RSPO2: variants seen among roughly 807,000 people sequenced by gnomAD.
RSPO2 encodes R-spondin-2.
Under a neutral mutation model 30.9 loss-of-function variants are expected in RSPO2, and 14 were observed. The ratio of observed to expected loss-of-function variants is 0.45; its 90% CI spans 0.30 to 0.71. The LOEUF is 0.71. RSPO2 is among the 30% of genes least tolerant of loss of function. The pLI is 0.08. For synonymous variants in RSPO2, 107 were observed against 96.4 expected (o/e 1.11, Z -0.64); for missense variants, 264 against 301.9 (o/e 0.87, Z 0.93).
At chr8:108,044,480 G>A (rs1015082095) in intron 2 of RSPO2, among the ~76,000 whole-genome samples, 2 of 152,062 alleles carry the variant, frequency 1.3e-5, no homozygotes, top group African/African-American at 4.8e-5. Context: ...TTCTGTCTCT[G>A]CATTAACTCG....
At chr8:108,031,308 C>T (rs1392601697) in intron 2 of RSPO2, among the ~76,000 whole-genome samples, 1 of 152,166 alleles carries the variant, frequency 6.6e-6, no homozygotes, top group African/African-American at 2.4e-5. Context: ...GAAAACGTGA[C>T]TCAGGAAGTT....
intron 5 of RSPO2, among the ~76,000 whole-genome samples, chr8:107,909,587 T>C (rs1415936169): frequency 6.6e-6 from 1 of 152,104 alleles, no homozygotes; most frequent in East Asian, 1.9e-4. Context: ...CGGATAGTCA[T>C]TTTTCAAGTT....
At chr8:108,037,571 AT>A (rs1394105406) in intron 2 of RSPO2, among the ~76,000 whole-genome samples, 1 of 152,228 alleles carries the variant, frequency 6.6e-6, no homozygotes, top group African/African-American at 2.4e-5. Context: ...TAAAAAACAG[AT>A]TTTTAAATGT....
intron 4 of RSPO2, among the ~76,000 whole-genome samples, chr8:107,959,070 A>C (rs538636517): frequency 6.6e-6 from 1 of 152,342 alleles, no homozygotes; most frequent in East Asian, 1.9e-4. Context: ...ATTTCCTGTC[A>C]TGACAGAAGA....
chr8:108,081,136 G>C (rs1446629420), intron 2 of RSPO2, among the ~76,000 whole-genome samples: 1 of 152,122 alleles, frequency 6.6e-6, no homozygotes, highest in African/African-American at 2.4e-5. Flanking sequence ...AGTTGGAGAA[G>C]GTTTATTCTT....
At chr8:108,072,747 C>T (rs1563591770) in intron 2 of RSPO2, among the ~76,000 whole-genome samples, 1 of 151,972 alleles carries the variant, frequency 6.6e-6, no homozygotes, top group Non-Finnish European at 1.5e-5. Context: ...AAAAAAATAA[C>T]AACAACAACT....
chr8:108,081,424 T>A (rs971495232), intron 2 of RSPO2, among the ~76,000 whole-genome samples: 1 of 152,232 alleles, frequency 6.6e-6, no homozygotes, highest in African/African-American at 2.4e-5. Flanking sequence ...TCAACATTCA[T>A]GAACCCGGCG....
intron 3 of RSPO2, among the ~76,000 whole-genome samples, chr8:107,975,104 A>C (rs938967854): frequency 1.3e-5 from 2 of 152,206 alleles, no homozygotes; most frequent in Non-Finnish European, 2.9e-5. Flanking sequence ...GACATTGAAA[A>C]GGGCTGTCCC....
chr8:108,065,221 G>T (rs1433567654), intron 2 of RSPO2, among the ~76,000 whole-genome samples: 1 of 148,004 alleles, frequency 6.8e-6, no homozygotes, highest in East Asian at 2.0e-4. Flanking sequence ...AATAGGTGCA[G>T]CAAACCACGT....
At chr8:107,924,840 A>G (rs1391522663) in intron 5 of RSPO2, among the ~76,000 whole-genome samples, 1 of 151,834 alleles carries the variant, frequency 6.6e-6, no homozygotes, top group African/African-American at 2.4e-5. Flanking sequence ...ACACACACAC[A>G]CACACACACA....
chr8:108,074,140 C>T (rs527490998), intron 2 of RSPO2, among the ~76,000 whole-genome samples: 1 of 152,288 alleles, frequency 6.6e-6, no homozygotes, highest in Admixed American at 6.5e-5. Context: ...AGAAACCCTT[C>T]TGAAAACAAA....
chr8:108,053,227 T>C (rs10096650), intron 2 of RSPO2, among the ~76,000 whole-genome samples: 34 of 152,250 alleles, frequency 2.2e-4, no homozygotes, highest in African/African-American at 8.2e-4. Flanking sequence ...TTAGCAGTGA[T>C]GCACTCCATA....
At chr8:107,912,996 T>C (rs1189399272) in intron 5 of RSPO2, among the ~76,000 whole-genome samples, 2 of 152,240 alleles carry the variant, frequency 1.3e-5, no homozygotes, top group African/African-American at 4.8e-5. Context: ...TTCTTATTGA[T>C]ACATAAGAGC....
intron 2 of RSPO2, among the ~76,000 whole-genome samples, chr8:108,071,347 T>C (rs1370941042): frequency 6.6e-6 from 1 of 152,196 alleles, no homozygotes; most frequent in African/African-American, 2.4e-5. Flanking sequence ...CTGATGTAAC[T>C]TACTGACCAC....
chr8:108,081,291 C>CA (rs1437648273), intron 2 of RSPO2, among the ~76,000 whole-genome samples: 3 of 152,140 alleles, frequency 2.0e-5, no homozygotes, highest in Admixed American at 1.3e-4. Flanking sequence ...AAAAAGCCAT[C>CA]AAAAAAATAA....
At chr8:108,008,075 C>T (rs1419676624) in intron 2 of RSPO2, among the ~76,000 whole-genome samples, 1 of 152,086 alleles carries the variant, frequency 6.6e-6, no homozygotes, top group African/African-American at 2.4e-5. Flanking sequence ...CACATACACC[C>T]AAGGGAGTGG....
At chr8:108,072,289 T>C (rs1260525052) in intron 2 of RSPO2, among the ~76,000 whole-genome samples, 1 of 149,306 alleles carries the variant, frequency 6.7e-6, no homozygotes, top group Non-Finnish European at 1.5e-5. Context: ...ACATAGCATG[T>C]GAGGTGAAAA....
chr8:107,921,857 CAT>C (rs1446850400), intron 5 of RSPO2, among the ~76,000 whole-genome samples: 1 of 152,080 alleles, frequency 6.6e-6, no homozygotes. Context: ...CAAAAAAACA[CAT>C]GATTACCTCA....
At chr8:107,906,652 C>T (rs760386069) in intron 5 of RSPO2, among the ~76,000 whole-genome samples, 2 of 151,858 alleles carry the variant, frequency 1.3e-5, no homozygotes, top group Non-Finnish European at 1.5e-5. Flanking sequence ...GTTCTTGAAG[C>T]TTTTTTCCTT....
Sources: gnomAD v4.1 joint callset for allele counts (sites outside exome capture counted in the v4.1 genomes callset) on GRCh38, gnomAD v4.1.1 for gene constraint, MANE v1.5 for transcripts, NCBI Gene and HGNC (gene_info 2026-07-23, HGNC 2026-07-21) for gene names.